The following PLPP1 variants were observed in gnomAD, a reference collection of about 807,000 sequenced individuals.
PLPP1 encodes the protein lipid phosphate phosphohydrolase 1a.
In PLPP1, 24 loss-of-function variants were observed where a neutral mutation model predicts 31.2. That is an observed-to-expected ratio of 0.77 (90% confidence interval 0.56 to 1.08). PLPP1 has a LOEUF of 1.08. Among genes scored for constraint, PLPP1 ranks in the 50% least tolerant of loss-of-function variants. The probability of loss-of-function intolerance (pLI) is 0.00; values close to 1 mark genes in which losing one functional copy is unlikely to be tolerated. For missense variants in PLPP1, 319 were observed against 342.7 expected (o/e 0.93, Z 0.55); for synonymous variants, 146 against 126.3 (o/e 1.16, Z -1.05).
At chr5:55,426,133 GTAT>G (rs1364096361) in intron 4 of PLPP1, 94 bp from the exon 5 acceptor site, 3 of 1,113,296 alleles carry the variant, frequency 2.7e-6, no homozygotes, top group South Asian at 1.7e-5. Flanking sequence ...GATTATCAAA[GTAT>G]TATTATATAG....
At chr5:55,490,837 C>T (rs1237017920) in intron 1 of PLPP1, 5 of 1,094,462 alleles carry the variant, frequency 4.6e-6, no homozygotes, top group Non-Finnish European at 5.1e-6. Context: ...ATTCCTCAAG[C>T]AATCATTCAC....
At position 55,425,871 on chromosome 5, in the gene PLPP1, T is replaced by C. The variant is rs752134929; in HGVS notation, c.718A>G (p.Ile240Val). ...TTGACCTGTATACTTACAACTAATA[T>C]TGCAACCAGAGCTCCCTGAATGAGT... is the stretch of plus-strand genomic sequence containing the variant. ...TGLIQGALVA[I>V]LVAVYVSDFF... Residue 240 changes from isoleucine (I) to valine (V), a missense_variant, in exon 5 of 6, where the codon ATA becomes GTA. Coordinates refer to ENST00000307259, the MANE Select transcript of PLPP1 (RefSeq NM_003711.4). The C allele has an allele frequency of 6.9e-6, 11 of 1,604,448 alleles. No homozygotes were observed. Among genetic ancestry groups the C allele is most frequent in the East Asian group, 6.7e-5 (3 of 44,788 alleles).
chr5:55,519,524 G>A (rs952367528), intron 1 of PLPP1, among the ~76,000 whole-genome samples: 2 of 152,066 alleles, frequency 1.3e-5, no homozygotes, highest in African/African-American at 4.8e-5. Context: ...CAAGGTGGGT[G>A]GATCACCTGA....
intron 1 of PLPP1, among the ~76,000 whole-genome samples, chr5:55,529,248 C>G (rs539556942): frequency 8.0e-6 from 1 of 125,178 alleles, no homozygotes; most frequent in African/African-American, 3.0e-5. Flanking sequence ...TACACACATA[C>G]GTGTATATAT....
At chr5:55,533,254 G>A (rs548868675) in intron 1 of PLPP1, among the ~76,000 whole-genome samples, 9 of 151,720 alleles carry the variant, frequency 5.9e-5, no homozygotes, top group African/African-American at 1.9e-4. Flanking sequence ...CATGGTGGCG[G>A]TGCCTGTAAT....
At chr5:55,490,133 ACTTTT>A (rs1256145587) in intron 1 of PLPP1, among the ~76,000 whole-genome samples, 1 of 146,594 alleles carries the variant, frequency 6.8e-6, no homozygotes, top group African/African-American at 2.5e-5. Context: ...AGAAATAGTG[ACTTTT>A]CTTTTCTTTT....
chr5:55,465,146 C>T (rs937466162), intron 3 of PLPP1, among the ~76,000 whole-genome samples: 4 of 151,556 alleles, frequency 2.6e-5, no homozygotes, highest in South Asian at 2.1e-4. Context: ...GGGGTTCAAG[C>T]GATTCTCCTG....
At chr5:55,482,203 GAC>G (rs112327602) in intron 1 of PLPP1, among the ~76,000 whole-genome samples, 9,740 of 144,158 alleles carry the variant, frequency 0.068, 416 homozygotes, top group Non-Finnish European at 0.094. Flanking sequence ...TACACACACA[GAC>G]ACACACACAC....
At chr5:55,484,870 T>C (rs1752744418) in intron 1 of PLPP1, 1 of 152,232 alleles carries the variant, frequency 6.6e-6, no homozygotes, top group African/African-American at 2.4e-5. Flanking sequence ...CATGACTACA[T>C]AATAAAACTC....
In PLPP1 at chr5:55,426,053, A is replaced by G. The variant is rs1751184942; in HGVS notation, c.550-14T>C. 1 of 1,563,942 alleles carries G rather than the reference A, an allele frequency of 6.4e-7. No homozygotes were observed. Among genetic ancestry groups the G allele is most frequent in the African/African-American group, 1.4e-5 (1 of 72,264 alleles). ...TTGAAGATAAAGCTAAAAGAAAAGA[A>G]TAAAGAAAAAAATAGTTTATTTAAC... On this transcript the variant is annotated splice_polypyrimidine_tract_variant and intron_variant, in intron 4 of 5. Transcript: ENST00000307259.
chr5:55,478,993 T>C, intron 1 of PLPP1, among the ~76,000 whole-genome samples: 1 of 151,394 alleles, frequency 6.6e-6, no homozygotes, highest in Non-Finnish European at 1.5e-5. Context: ...TAATGGCCAA[T>C]ATTTGCCATT....
intron 3 of PLPP1, among the ~76,000 whole-genome samples, chr5:55,463,736 C>CAGG (rs934618000): frequency 7.3e-5 from 11 of 151,342 alleles, no homozygotes; most frequent in Non-Finnish European, 1.6e-4. Flanking sequence ...CGCTTGAACA[C>CAGG]AGGAGTTCAA....
chr5:55,455,021 T>C (rs2111748010), intron 3 of PLPP1, among the ~76,000 whole-genome samples: 1 of 152,322 alleles, frequency 6.6e-6, no homozygotes, highest in East Asian at 1.9e-4. Context: ...TTTATCTGCA[T>C]GTGGGTTGCA....
In PLPP1 at chr5:55,500,236, C is replaced by T. The variant is rs533108199; in HGVS notation, c.59-24786G>A. ...CTGGGACTACAGGCGCCCGCCACCA[C>T]GCCCAGCTAATTTTTTGTATTTTTA... On this transcript the variant is annotated intron_variant, in intron 1 of 5. Transcript: ENST00000307259. 1.3e-3 allele frequency among the ~76,000 whole-genome samples: 200 copies of T among 152,090 alleles called. 2 individuals carry two copies. The Middle Eastern group carries it at 0.024, about 18-fold the overall frequency.
At chr5:55,426,256 A>G (rs907699605) in intron 4 of PLPP1, among the ~76,000 whole-genome samples, 69 of 152,312 alleles carry the variant, frequency 4.5e-4, no homozygotes, top group African/African-American at 1.5e-3. Context: ...ATCTATTGCC[A>G]GTCTAGCTAT....
chr5:55,512,332 G>A (rs1460479504), intron 1 of PLPP1, among the ~76,000 whole-genome samples: 1 of 151,576 alleles, frequency 6.6e-6, no homozygotes, highest in African/African-American at 2.4e-5. Context: ...TTAGCCAGGC[G>A]TGGTGGCAGG....
chr5:55,475,131 A>G (rs1752507665), intron 2 of PLPP1, among the ~76,000 whole-genome samples, 168 bp downstream of exon 2: 1 of 152,058 alleles, frequency 6.6e-6, no homozygotes, highest in South Asian at 2.1e-4. Flanking sequence ...TTATTTTTTG[A>G]CTCCACTTAA....
intron 4 of PLPP1, among the ~76,000 whole-genome samples, chr5:55,435,302 T>C (rs1751466131): frequency 6.6e-6 from 1 of 152,112 alleles, no homozygotes. Context: ...TATAAATTAG[T>C]CCAGCCACCA....
intron 4 of PLPP1, among the ~76,000 whole-genome samples, chr5:55,434,867 A>T (rs548061231): frequency 3.3e-5 from 5 of 152,172 alleles, no homozygotes; most frequent in Non-Finnish European, 5.9e-5. Context: ...TATGGCTAAG[A>T]CCTTGAACAC....
Sources: gnomAD v4.1 joint callset for allele counts (sites outside exome capture counted in the v4.1 genomes callset) on GRCh38, gnomAD v4.1.1 for gene constraint, MANE v1.5 for transcripts, NCBI Gene and HGNC (gene_info 2026-07-23, HGNC 2026-07-21) for gene names.